Variants in TTC29 observed in about 807,000 individuals in gnomAD.
The protein encoded by TTC29 is tetratricopeptide repeat protein 29.
TTC29 carries 49 observed loss-of-function variants against 58.1 expected under a neutral mutation model. The observed-to-expected ratio is 0.84, with a 90% CI of 0.67 to 1.07. The LOEUF is 1.07. Among genes scored for constraint, TTC29 ranks in the 50% least tolerant of loss-of-function variants. The pLI, the probability that TTC29 is intolerant of heterozygous loss-of-function variation, is 0.00. For synonymous variants in TTC29, 209 were observed against 196.8 expected, an observed-to-expected ratio of 1.06 and a Z score of -0.52; for missense variants, 582 against 555.6, an observed-to-expected ratio of 1.05 and a Z score of -0.48.
chr4:146,881,646 T>C (rs1478114547), intron 6 of TTC29, among the ~76,000 whole-genome samples: 1 of 152,124 alleles, frequency 6.6e-6, no homozygotes, highest in East Asian at 1.9e-4. Context: ...ATTTATATTA[T>C]CTTTAGGTTT....
intron 9 of TTC29, among the ~76,000 whole-genome samples, chr4:146,826,242 T>A (rs1727788694): frequency 6.6e-6 from 1 of 152,206 alleles, no homozygotes; most frequent in Non-Finnish European, 1.5e-5. Flanking sequence ...TTGCAGTGGC[T>A]GGTACCAGTT....
chr4:146,781,603 GC>G (rs1310488109), intron 11 of TTC29, among the ~76,000 whole-genome samples: 3 of 151,870 alleles, frequency 2.0e-5, no homozygotes, highest in Admixed American at 6.6e-5. Context: ...CTCAACAAAA[GC>G]AAGCATTATA....
chr4:146,910,925 A>G (rs1733855180), intron 4 of TTC29, among the ~76,000 whole-genome samples: 2 of 152,192 alleles, frequency 1.3e-5, no homozygotes, highest in African/African-American at 4.8e-5. Flanking sequence ...AAAGGCAGTG[A>G]GATGCTTGGA....
intron 2 of TTC29, among the ~76,000 whole-genome samples, chr4:146,943,398 GA>G (rs1275596536): frequency 6.6e-6 from 1 of 150,632 alleles, no homozygotes. Context: ...TGATAAAGTG[GA>G]AAAAAAGTTA....
intron 11 of TTC29, among the ~76,000 whole-genome samples, chr4:146,708,980 C>G (rs1407590630): frequency 6.6e-6 from 1 of 152,040 alleles, no homozygotes; most frequent in Non-Finnish European, 1.5e-5. Flanking sequence ...CTTGCCCTTC[C>G]TCTTTCCCTT....
intron 6 of TTC29, among the ~76,000 whole-genome samples, chr4:146,890,072 A>T (rs1300872600): frequency 6.6e-6 from 1 of 152,102 alleles, no homozygotes; most frequent in African/African-American, 2.4e-5. Flanking sequence ...AAAAACATTG[A>T]CACCACATTG....
chr4:146,736,588 C>T (rs1231982359), intron 11 of TTC29, among the ~76,000 whole-genome samples: 1 of 152,088 alleles, frequency 6.6e-6, no homozygotes, highest in Non-Finnish European at 1.5e-5. Flanking sequence ...ATCTGATAGC[C>T]CTTTATGCCT....
chr4:146,847,978 T>C (rs957369410), intron 8 of TTC29, among the ~76,000 whole-genome samples: 1 of 152,240 alleles, frequency 6.6e-6, no homozygotes, highest in African/African-American at 2.4e-5. Flanking sequence ...GTGTGGACTG[T>C]GGATACCTTT....
chr4:146,788,129 T>C (rs1265374036), intron 11 of TTC29, among the ~76,000 whole-genome samples: 1 of 152,206 alleles, frequency 6.6e-6, no homozygotes, highest in Non-Finnish European at 1.5e-5. Flanking sequence ...TGCACAGCCT[T>C]TCACCACATA....
intron 8 of TTC29, among the ~76,000 whole-genome samples, chr4:146,864,388 G>C (rs1254927031): frequency 6.6e-6 from 1 of 152,016 alleles, no homozygotes; most frequent in East Asian, 1.9e-4. Context: ...CTCAAGTCCA[G>C]AGACTTAGAT....
intron 8 of TTC29, among the ~76,000 whole-genome samples, chr4:146,867,274 G>A (rs549526116): frequency 2.0e-5 from 3 of 152,102 alleles, no homozygotes; most frequent in African/African-American, 7.2e-5. Flanking sequence ...ATATCCCAAA[G>A]CACTTCATAG....
chr4:146,941,575 T>G (rs1403137994), intron 2 of TTC29, among the ~76,000 whole-genome samples: 1 of 152,156 alleles, frequency 6.6e-6, no homozygotes. Flanking sequence ...CACTAGAAAC[T>G]ACCCAGATGC....
chr4:146,928,023 G>A (rs1350046062), intron 4 of TTC29, among the ~76,000 whole-genome samples: 2 of 152,178 alleles, frequency 1.3e-5, no homozygotes, highest in Non-Finnish European at 2.9e-5. Flanking sequence ...TGCTATAAGT[G>A]CACTGGAGAT....
chr4:146,760,076 G>T (rs1579612064), intron 11 of TTC29, among the ~76,000 whole-genome samples: 2 of 152,070 alleles, frequency 1.3e-5, no homozygotes, highest in East Asian at 3.9e-4. Flanking sequence ...CTGATAAAAA[G>T]AATTCAGCAA....
chr4:146,863,785 G>A (rs1730397197), intron 8 of TTC29, among the ~76,000 whole-genome samples: 1 of 152,144 alleles, frequency 6.6e-6, no homozygotes, highest in African/African-American at 2.4e-5. Context: ...GACGGGGTCT[G>A]AAGACCTGAG....
chr4:146,755,230 A>C (rs1489256062), intron 11 of TTC29, among the ~76,000 whole-genome samples: 1 of 152,190 alleles, frequency 6.6e-6, no homozygotes, highest in African/African-American at 2.4e-5. Flanking sequence ...GTTGAAGAAG[A>C]CACAAATGGG....
Position 146,874,975 on chromosome 4 carries a change from T to C in TTC29, c.587-47A>G, listed in dbSNP as rs760698921. On this transcript the variant is annotated intron_variant, in intron 6 of 12. Coordinates refer to ENST00000325106, the MANE Select transcript of TTC29 (RefSeq NM_031956.4). ...TAAGTATAAACCAGAGGACGGAACG[T>C]ATTTTCAGAAATTTTGCATACGTTT... 6.6e-6 allele frequency: 10 copies of C among 1,510,494 alleles called. No homozygotes were observed. The Admixed American group carries it at 1.2e-4, about 19-fold the overall frequency. The allele number at this position is 1,510,494 out of a possible 1,614,324, so 93.6% of individuals were successfully genotyped here. A position where few individuals can be genotyped will look rare whatever the true frequency, so the allele number is the denominator to read the frequency against.
At chr4:146,927,581 A>G (rs898022935) in intron 4 of TTC29, among the ~76,000 whole-genome samples, 1 of 152,160 alleles carries the variant, frequency 6.6e-6, no homozygotes, top group African/African-American at 2.4e-5. Flanking sequence ...TACATACAAC[A>G]TACGTACATA....
intron 11 of TTC29, among the ~76,000 whole-genome samples, chr4:146,747,490 C>A (rs139535122): frequency 6.6e-6 from 1 of 152,294 alleles, no homozygotes; most frequent in Non-Finnish European, 1.5e-5. Context: ...GGTGCACCCT[C>A]CACATAGGGT....
Sources: gnomAD v4.1 joint callset for allele counts (sites outside exome capture counted in the v4.1 genomes callset) on GRCh38, gnomAD v4.1.1 for gene constraint, MANE v1.5 for transcripts, NCBI Gene and HGNC (gene_info 2026-07-23, HGNC 2026-07-21) for gene names.